Variants in CCDC9 observed in about 807,000 individuals in gnomAD.
The protein encoded by CCDC9 is coiled-coil domain-containing protein 9.
Under a neutral mutation model 65.6 loss-of-function variants are expected in CCDC9, and 52 were observed. The observed-to-expected ratio is 0.79, with a 90% CI of 0.63 to 1.00. The LOEUF is 1.00. Ranked by LOEUF, CCDC9 falls within the 50% of genes least tolerant of loss-of-function variation. The pLI is 0.00. For missense variants in CCDC9, 834 were observed against 757.2 expected, an observed-to-expected ratio of 1.10 and a Z score of -1.19; for synonymous variants, 332 against 280.3, an observed-to-expected ratio of 1.18 and a Z score of -1.84.
At chr19:47,260,916 C>T in intron 5 of CCDC9, 77 bp downstream of exon 5, 1 of 1,495,010 alleles carries the variant, frequency 6.7e-7, no homozygotes, top group Non-Finnish European at 9.0e-7. Flanking sequence ...CTCTCAGATG[C>T]ACATTTGTCC....
chr19:47,266,415 C>G, intron 7 of CCDC9, 196 bp from the exon 8 acceptor site: 1 of 672,030 alleles, frequency 1.5e-6, no homozygotes, highest in Non-Finnish European at 2.3e-6. Flanking sequence ...AATCCAGCAG[C>G]TGAGGGGACA....
Position 47,266,617 on chromosome 19 carries a change from C to A in CCDC9, c.727C>A (p.Arg243=). 1 of 1,537,136 alleles carries A rather than the reference C, an allele frequency of 6.5e-7. No homozygotes were observed. Among genetic ancestry groups the A allele is most frequent in the Non-Finnish European group, 8.8e-7 (1 of 1,136,590 alleles). ...CGLEHERQGR[R]AGLGSAGDMT... ...CCTGTGGGCTGGGGGGCAGGGCCGC[C>A]GAGCTGGCCTGGGCAGTGCTGGAGA... The change falls in exon 8 of 12, where the codon CGA becomes AGA. Residue 243 remains arginine, a synonymous_variant. Transcript: ENST00000221922.
Position 47,271,657 on chromosome 19 carries a change from C to T in CCDC9, c.1575C>T (p.Ala525=), listed in dbSNP as rs1371041481. ...HLAGALSPGE[A]WPFESV ...CTGGCGCCCTCTCCCCGGGTGAGGC[C>T]TGGCCTTTTGAGAGTGTATGAAGCT... The change falls in exon 12 of 12, where the codon GCC becomes GCT. Residue 525 remains alanine (A), a synonymous_variant. Coordinates refer to ENST00000221922, the MANE Select transcript of CCDC9 (RefSeq NM_015603.3). The T allele has an allele frequency of 7.5e-6, 12 of 1,595,560 alleles. No homozygotes were observed. Among genetic ancestry groups the T allele is most frequent in the Non-Finnish European group, 1.0e-5 (12 of 1,171,166 alleles).
At chr19:47,261,796 G>A (rs566819638) in intron 5 of CCDC9, among the ~76,000 whole-genome samples, 4 of 151,612 alleles carry the variant, frequency 2.6e-5, no homozygotes, top group Non-Finnish European at 5.9e-5. Context: ...TGAGGTGGGC[G>A]GATCACCTGA....
intron 8 of CCDC9, 61 bp downstream of exon 8, chr19:47,266,853 G>A (rs936072145): frequency 1.3e-6 from 2 of 1,536,074 alleles, no homozygotes; most frequent in African/African-American, 2.7e-5. Flanking sequence ...TGACTTCTAA[G>A]TCCTATGCCT....
intron 3 of CCDC9, among the ~76,000 whole-genome samples, 182 bp from the exon 4 acceptor site, chr19:47,260,139 A>G (rs2059035265): frequency 6.6e-6 from 1 of 152,164 alleles, no homozygotes; most frequent in African/African-American, 2.4e-5. Context: ...GAGGGGCACC[A>G]CAGGAACGTT....
At chr19:47,273,534 T>A (rs2059137443), downstream of CCDC9, 1 of 472,748 alleles carries the variant, frequency 2.1e-6, no homozygotes, top group Admixed American at 4.4e-5. Flanking sequence ...CCTCTGCTTC[T>A]GCCACACTCC....
intron 5 of CCDC9, among the ~76,000 whole-genome samples, chr19:47,261,651 A>ATG (rs1568636902): frequency 1.4e-5 from 2 of 141,866 alleles, no homozygotes; most frequent in Admixed American, 1.4e-4. Context: ...GGTGGAGGTC[A>ATG]CAGTGAGCCG....
chr19:47,269,911 C>T (rs1412026386), intron 8 of CCDC9, among the ~76,000 whole-genome samples: 1 of 151,620 alleles, frequency 6.6e-6, no homozygotes, highest in Non-Finnish European at 1.5e-5. Flanking sequence ...CATTCTGAAT[C>T]TTTTTGTATT....
At position 47,260,764 on chromosome 19, in the gene CCDC9, C is replaced by T. The variant is rs751356243; in HGVS notation, c.387C>T (p.Gly129=). The T allele has an allele frequency of 2.5e-6, 4 of 1,609,828 alleles. No individual in the cohort carries two copies. In the African/African-American group the frequency reaches 4.0e-5, roughly 16 times the overall value. ...QPRGGGAGGR[G]RRGRGRGSPH... ...GAGGAGGAGGAGCTGGGGGCCGTGG[C>T]CGGAGGGGCCGGGGCCGAGGTTCAC... The change falls in exon 5 of 12, where the codon GGC becomes GGT. Residue 129 remains glycine (G), a synonymous_variant. Transcript: ENST00000221922.
chr19:47,263,143 G>A (rs532964693), intron 5 of CCDC9, among the ~76,000 whole-genome samples: 6 of 152,044 alleles, frequency 3.9e-5, no homozygotes, highest in African/African-American at 1.4e-4. Context: ...ATGGAAGGAA[G>A]AAGGGGAGAA....
At chr19:47,258,515 A>G (rs372031704) in intron 2 of CCDC9, 44 bp from the exon 3 acceptor site, 1 of 1,604,458 alleles carries the variant, frequency 6.2e-7, no homozygotes, top group Admixed American at 1.7e-5. Flanking sequence ...CCTGGTATGG[A>G]TGGAGGTTTT....
downstream of CCDC9, chr19:47,275,194 C>T (rs1442631939): frequency 1.3e-6 from 2 of 1,501,096 alleles, no homozygotes; most frequent in East Asian, 2.8e-5. Context: ...GCCGCTGCCT[C>T]CCTCTCCTGC....
intron 10 of CCDC9, 67 bp downstream of exon 10, chr19:47,270,755 T>C: frequency 6.7e-7 from 1 of 1,493,668 alleles, no homozygotes; most frequent in Admixed American, 2.2e-5. Context: ...CTTCTTTGGC[T>C]TGCTGTGAAG....
At chr19:47,258,436 AGTTTTGGGGAAGGG>A in intron 2 of CCDC9, 33 bp downstream of exon 2, 1 of 1,613,684 alleles carries the variant, frequency 6.2e-7, no homozygotes, top group South Asian at 1.1e-5. Context: ...CTAGAATCTG[AGTTTTGGGGAAGGG>A]GGCTTGGGAG....
At chr19:47,273,962 G>A, downstream of CCDC9, 1 of 984,306 alleles carries the variant, frequency 1.0e-6, no homozygotes, top group East Asian at 1.1e-4. Flanking sequence ...CCCCCCTCCC[G>A]CAGGCCTCCC....
chr19:47,258,131 A>G (rs562803786), intron 1 of CCDC9, 199 bp from the exon 2 acceptor site: 2 of 557,954 alleles, frequency 3.6e-6, no homozygotes, highest in Admixed American at 3.2e-5. Context: ...GGGTGAGTCC[A>G]CAAAGATCAT....
At chr19:47,256,691 C>CGGGCGGGGGGGGGAGCCGCCAGCGG (rs1555801983) in intron 1 of CCDC9, 82 bp downstream of exon 1, 1 of 122,558 alleles carries the variant, frequency 8.2e-6, no homozygotes, top group South Asian at 3.0e-4. Flanking sequence ...CGAACAGGCC[C>CGGGCGGGGGGGGGAGCCGCCAGCGG]GGGCGGGGTC....
chr19:47,270,029 C>T (rs1482162554), intron 8 of CCDC9, among the ~76,000 whole-genome samples: 2 of 151,592 alleles, frequency 1.3e-5, no homozygotes, highest in Non-Finnish European at 2.9e-5. Context: ...AGTACAGTGG[C>T]TTGATTACTG....
Sources: gnomAD v4.1 joint callset for allele counts (sites outside exome capture counted in the v4.1 genomes callset) on GRCh38, gnomAD v4.1.1 for gene constraint, MANE v1.5 for transcripts, NCBI Gene and HGNC (gene_info 2026-07-23, HGNC 2026-07-21) for gene names.